Variants in ADAMTSL1 observed in about 807,000 individuals in gnomAD.
The protein encoded by ADAMTSL1 is ADAMTS like 1, also known as ADAMTS-like protein 1.
In ADAMTSL1, 126 loss-of-function variants were observed where a neutral mutation model predicts 201.8. That is an observed-to-expected ratio of 0.62 (90% CI 0.54 to 0.72). The LOEUF is 0.72. Ranked by LOEUF, ADAMTSL1 falls within the 30% of genes least tolerant of loss-of-function variation. ADAMTSL1 has a pLI of 0.00. For synonymous variants in ADAMTSL1, 1,121 were observed against 903.4 expected (o/e 1.24, Z -4.32); for missense variants, 2,679 against 2,277.8 (o/e 1.18, Z -3.59).
chr9:18,757,946 G>A (rs1034950045), intron 16 of ADAMTSL1, among the ~76,000 whole-genome samples: 3 of 152,162 alleles, frequency 2.0e-5, no homozygotes, highest in African/African-American at 7.2e-5. Context: ...CTTTCTCTGT[G>A]TTCAGCACAG....
At chr9:18,050,286 A>G (rs193119988) in intron 1 of ADAMTSL1, among the ~76,000 whole-genome samples, 6 of 152,338 alleles carry the variant, frequency 3.9e-5, no homozygotes, top group African/African-American at 1.4e-4. Flanking sequence ...AAATTTTCTG[A>G]TAAATGGGTA....
At chr9:18,417,731 T>TA (rs1350433852) in intron 2 of ADAMTSL1, among the ~76,000 whole-genome samples, 1 of 152,166 alleles carries the variant, frequency 6.6e-6, no homozygotes, top group Non-Finnish European at 1.5e-5. Flanking sequence ...AATTTGTAGT[T>TA]AAAGTTTTGT....
intron 2 of ADAMTSL1, among the ~76,000 whole-genome samples, chr9:18,416,406 G>A (rs1236848024): frequency 1.3e-5 from 2 of 151,788 alleles, no homozygotes; most frequent in Non-Finnish European, 3.0e-5. Flanking sequence ...TGATCAAAAT[G>A]AGGGCAAAAA....
chr9:18,260,302 C>T (rs569822565), intron 2 of ADAMTSL1, among the ~76,000 whole-genome samples: 14 of 152,214 alleles, frequency 9.2e-5, no homozygotes, highest in South Asian at 8.3e-4. Flanking sequence ...AATCATTTGG[C>T]AGTCTTCAAT....
intron 1 of ADAMTSL1, among the ~76,000 whole-genome samples, chr9:18,029,554 C>T (rs906901832): frequency 6.6e-6 from 1 of 151,992 alleles, no homozygotes; most frequent in African/African-American, 2.4e-5. Context: ...AATGGGATCT[C>T]ATTAAACTAA....
intron 2 of ADAMTSL1, among the ~76,000 whole-genome samples, chr9:18,334,087 G>A (rs1835135906): frequency 6.6e-6 from 1 of 152,112 alleles, no homozygotes; most frequent in African/African-American, 2.4e-5. Context: ...GTTTGGACAA[G>A]TTAGTGTAGC....
chr9:17,926,601 C>G (rs1275794375), intron 1 of ADAMTSL1, among the ~76,000 whole-genome samples: 1 of 152,208 alleles, frequency 6.6e-6, no homozygotes, highest in Non-Finnish European at 1.5e-5. Context: ...CTAATAGATT[C>G]ACTTTGGCAA....
intron 1 of ADAMTSL1, among the ~76,000 whole-genome samples, chr9:18,136,636 T>C (rs977956120): frequency 6.6e-6 from 1 of 151,928 alleles, no homozygotes; most frequent in Non-Finnish European, 1.5e-5. Context: ...ATGTGGAACA[T>C]TAAATTGTGT....
chr9:18,177,711 G>A (rs897421924), intron 2 of ADAMTSL1, among the ~76,000 whole-genome samples: 9 of 152,096 alleles, frequency 5.9e-5, no homozygotes, highest in Non-Finnish European at 1.0e-4. Flanking sequence ...ATATTAGCTG[G>A]CTTGTAAGAG....
chr9:18,126,363 A>G (rs73645718), intron 1 of ADAMTSL1, among the ~76,000 whole-genome samples: 3,124 of 152,208 alleles, frequency 0.021, 111 homozygotes, highest in African/African-American at 0.071. Context: ...CATTCCTTTT[A>G]AGATTTAGTT....
intron 1 of ADAMTSL1, among the ~76,000 whole-genome samples, chr9:18,103,559 G>T (rs982794712): frequency 3.3e-5 from 5 of 152,110 alleles, no homozygotes; most frequent in Admixed American, 2.0e-4. Flanking sequence ...TAGCAAGTGG[G>T]CAATACAGGA....
At chr9:18,620,611 A>C (rs753876984) in intron 4 of ADAMTSL1, among the ~76,000 whole-genome samples, 1 of 152,220 alleles carries the variant, frequency 6.6e-6, no homozygotes, top group African/African-American at 2.4e-5. Context: ...ACACCAAAGA[A>C]GTCTTAAGCC....
intron 1 of ADAMTSL1, among the ~76,000 whole-genome samples, chr9:18,481,766 A>G (rs1229633682): frequency 3.9e-5 from 6 of 152,218 alleles, no homozygotes; most frequent in African/African-American, 1.2e-4. Flanking sequence ...TCTATAGTTT[A>G]TAGTCTCAAT....
rs79089369 is a variant in ADAMTSL1, at chr9:18,517,936, A to G, written c.191+12980A>G. Among the ~76,000 whole-genome samples, 979 of 152,226 alleles carry G rather than the reference A, an allele frequency of 6.4e-3. 13 individuals are homozygous for G. Among genetic ancestry groups the G allele is most frequent in the African/African-American group, 0.023 (943 of 41,532 alleles). ...TTCTTCATGGCCTGGAGTTATCTTTATAACAGTTCCTTCTGTATGTTTCTT... is the reference window on the plus strand; with the variant it reads ...TTCTTCATGGCCTGGAGTTATCTTTGTAACAGTTCCTTCTGTATGTTTCTT... On this transcript the variant is annotated intron_variant, in intron 2 of 28. Transcript: ENST00000380548.
At chr9:18,502,523 G>C (rs983551595) in intron 1 of ADAMTSL1, among the ~76,000 whole-genome samples, 2 of 152,178 alleles carry the variant, frequency 1.3e-5, no homozygotes, top group African/African-American at 4.8e-5. Flanking sequence ...CATTGGCAAA[G>C]AGTCTTTTCT....
Position 18,460,430 on chromosome 9 carries a change from A to G in ADAMTSL1, c.208-44399A>G, listed in dbSNP as rs527953685. Among the ~76,000 whole-genome samples the G allele has an allele frequency of 1.5e-3, 223 of 152,282 alleles. 3 individuals are homozygous for G. Among genetic ancestry groups the G allele is most frequent in the Non-Finnish European group, 2.2e-3 (152 of 68,030 alleles). On this transcript the variant is annotated intron_variant, in intron 2 of 29. Transcript: ENST00000680146. ...TCTTCAGCCCTAACCAAGGGGGACT[A>G]TCCTCTTTAGTGGTAAAAGTAGATC... is the stretch of plus-strand genomic sequence containing the variant.
intron 1 of ADAMTSL1, among the ~76,000 whole-genome samples, chr9:18,009,466 A>T (rs1586889207): frequency 6.6e-6 from 1 of 152,192 alleles, no homozygotes; most frequent in South Asian, 2.1e-4. Flanking sequence ...AGTACCTTGC[A>T]TAGTGCCTGG....
At chr9:18,356,679 A>C (rs946274717) in intron 2 of ADAMTSL1, among the ~76,000 whole-genome samples, 1 of 151,968 alleles carries the variant, frequency 6.6e-6, no homozygotes, top group African/African-American at 2.4e-5. Context: ...GAAGGTATTA[A>C]AATGAATCAA....
intron 4 of ADAMTSL1, among the ~76,000 whole-genome samples, chr9:18,601,332 A>G (rs981388299): frequency 2.0e-5 from 3 of 152,254 alleles, no homozygotes; most frequent in Admixed American, 2.0e-4. Context: ...AGAACCAAAC[A>G]GAAAGCTCAA....
Sources: allele counts gnomAD v4.1 joint callset (sites outside exome capture counted in the v4.1 genomes callset), GRCh38; gene constraint gnomAD v4.1.1; transcripts MANE v1.5; gene names NCBI Gene and HGNC (gene_info 2026-07-23, HGNC 2026-07-21).